The following SMURF2 variants were observed in gnomAD, a reference collection of about 807,000 sequenced individuals.
SMURF2 encodes E3 ubiquitin-protein ligase SMURF2.
In SMURF2, 48 loss-of-function variants were observed where a neutral mutation model predicts 109.6. That is an observed-to-expected ratio of 0.44 (90% CI 0.35 to 0.56). The LOEUF is 0.56. Among genes scored for constraint, SMURF2 ranks in the 20% least tolerant of loss-of-function variants. The probability of loss-of-function intolerance (pLI) is 0.01; values close to 1 mark genes in which losing one functional copy is unlikely to be tolerated. For synonymous variants in SMURF2, 288 were observed against 317.1 expected (o/e 0.91, Z 0.97); for missense variants, 575 against 909.0 (o/e 0.63, Z 4.72).
intron 1 of SMURF2, among the ~76,000 whole-genome samples, chr17:64,612,254 T>C (rs1265052663): frequency 1.3e-5 from 2 of 152,174 alleles, no homozygotes; most frequent in African/African-American, 2.4e-5. Flanking sequence ...CGCCTGGCAC[T>C]TGATAGGTAC....
rs57831736 is a variant in SMURF2 at position 64,649,563 on chromosome 17, C to T, written c.52+12266G>A. ...TTTTAAATATTTAAAATATTGAGGCCGGGTGCAGTGGCTCATGCCTGTAAT... is the reference window on the plus strand; with the variant it reads ...TTTTAAATATTTAAAATATTGAGGCTGGGTGCAGTGGCTCATGCCTGTAAT... On this transcript the variant is annotated intron_variant, in intron 1 of 18. Coordinates refer to ENST00000262435, the MANE Select transcript of SMURF2 (RefSeq NM_022739.4). 4.0e-3 allele frequency among the ~76,000 whole-genome samples: 605 copies of T among 152,090 alleles called. 2 individuals are homozygous for T. Among genetic ancestry groups the T allele is most frequent in the African/African-American group, 0.014 (568 of 41,484 alleles).
At position 64,662,152 on chromosome 17, in the gene SMURF2, C is replaced by T. The variant is rs1376889569; in HGVS notation, c.-272G>A. On this transcript the variant is annotated 5_prime_UTR_variant, in exon 1 of 19. Coordinates refer to ENST00000262435, the MANE Select transcript of SMURF2 (RefSeq NM_022739.4). ...GCCCGCGCCGCCTCCGCCCGCGCCC[C>T]CGCCGCCTCCTCGCGGCCGCCGAGG... 1 of 1,035,104 alleles carries T rather than the reference C, an allele frequency of 9.7e-7. No individual in the cohort carries two copies. Among genetic ancestry groups the T allele is most frequent in the Non-Finnish European group, 1.2e-6 (1 of 863,238 alleles). The allele number at this position is 1,035,104 out of a possible 1,614,324, so 64.1% of individuals were successfully genotyped here.
At chr17:64,620,871 A>G (rs1970191836) in intron 1 of SMURF2, among the ~76,000 whole-genome samples, 1 of 152,190 alleles carries the variant, frequency 6.6e-6, no homozygotes, top group African/African-American at 2.4e-5. Context: ...AGGATGTGCA[A>G]ACTAAAAGGT....
intron 1 of SMURF2, among the ~76,000 whole-genome samples, chr17:64,637,944 T>G (rs1555692230): frequency 7.9e-6 from 1 of 126,502 alleles, no homozygotes; most frequent in African/African-American, 3.9e-5. Flanking sequence ...AAAAAAAAAA[T>G]CAACTGACCA....
chr17:64,576,866 T>C (rs1479589728), intron 9 of SMURF2, among the ~76,000 whole-genome samples: 1 of 150,654 alleles, frequency 6.6e-6, no homozygotes, highest in Non-Finnish European at 1.5e-5. Context: ...AATTTTCTTT[T>C]TCTATCCTTT....
At chr17:64,647,285 G>T (rs1234276318) in intron 1 of SMURF2, among the ~76,000 whole-genome samples, 1 of 150,294 alleles carries the variant, frequency 6.7e-6, no homozygotes, top group African/African-American at 2.4e-5. Context: ...GAAAAAAAAA[G>T]AAAAAAAAAT....
At chr17:64,647,357 C>T (rs782576194) in intron 1 of SMURF2, among the ~76,000 whole-genome samples, 2 of 151,840 alleles carry the variant, frequency 1.3e-5, no homozygotes, top group African/African-American at 2.4e-5. Flanking sequence ...TCACAATGAA[C>T]TTTTGGTACA....
chr17:64,562,668 G>T, intron 11 of SMURF2, 103 bp downstream of exon 11: 1 of 1,165,916 alleles, frequency 8.6e-7, no homozygotes, highest in Admixed American at 2.3e-5. Flanking sequence ...GTGAGCCACC[G>T]CACCCGGCCA....
chr17:64,568,152 C>T (rs1167244800), intron 10 of SMURF2, among the ~76,000 whole-genome samples: 1 of 151,672 alleles, frequency 6.6e-6, no homozygotes, highest in Non-Finnish European at 1.5e-5. Context: ...CCGCGCCTGG[C>T]CTAATTTTTG....
chr17:64,592,060 A>T lies in SMURF2; in HGVS notation c.335-911T>A, dbSNP rs148846889. On this transcript the variant is annotated intron_variant, in intron 4 of 18. Transcript: ENST00000262435. ...TCCCTTTGCAAAATAAATGGGTGCT[A>T]CTAAGCTGGCTATACAGTGGATTCT... is the stretch of plus-strand genomic sequence containing the variant. Among the ~76,000 whole-genome samples the T allele has an allele frequency of 3.9e-5, 6 of 152,356 alleles. No homozygotes were observed. In the East Asian group the frequency reaches 1.2e-3, roughly 29 times the overall value.
intron 1 of SMURF2, among the ~76,000 whole-genome samples, chr17:64,647,024 CTG>C (rs369015848): frequency 5.9e-4 from 90 of 152,290 alleles, no homozygotes; most frequent in African/African-American, 1.7e-3. Flanking sequence ...CTAGCACTGA[CTG>C]TGGTTATTTC....
intron 1 of SMURF2, among the ~76,000 whole-genome samples, chr17:64,656,063 C>T (rs1372787712): frequency 6.6e-6 from 1 of 152,096 alleles, no homozygotes. Context: ...GACAAGATGG[C>T]TAAATAGCAA....
chr17:64,637,694 G>A (rs1322157767), intron 1 of SMURF2, among the ~76,000 whole-genome samples: 3 of 151,796 alleles, frequency 2.0e-5, no homozygotes, highest in Non-Finnish European at 2.9e-5. Flanking sequence ...CTCCCCAGTA[G>A]CTGAGACTAC....
chr17:64,607,888 T>C (rs1340355979), intron 1 of SMURF2, among the ~76,000 whole-genome samples: 1 of 150,612 alleles, frequency 6.6e-6, no homozygotes, highest in Non-Finnish European at 1.5e-5. Context: ...CGAGAATCAC[T>C]TGAACCTGGG....
At chr17:64,652,079 G>A (rs1380861155) in intron 1 of SMURF2, among the ~76,000 whole-genome samples, 5 of 152,142 alleles carry the variant, frequency 3.3e-5, no homozygotes, top group African/African-American at 1.2e-4. Flanking sequence ...AGACACTTAC[G>A]TTAAGTCATG....
intron 1 of SMURF2, among the ~76,000 whole-genome samples, chr17:64,637,947 A>G (rs1258220924): frequency 6.7e-6 from 1 of 150,342 alleles, no homozygotes; most frequent in Admixed American, 6.6e-5. Context: ...AAAAAAATCA[A>G]CTGACCACAA....
In SMURF2 at chr17:64,636,236, G is replaced by C. The variant is rs146463929; in HGVS notation, c.52+25593C>G. 7.5e-3 allele frequency among the ~76,000 whole-genome samples: 1,147 copies of C among 152,228 alleles called. 12 individuals carry two copies. Among genetic ancestry groups the C allele is most frequent in the Non-Finnish European group, 0.012 (836 of 68,012 alleles). The stretch of plus-strand genomic sequence containing the variant: ...AGCCTCTCAAGTAGCTGAGACTATA[G>C]GCATGTGCCAACACATCTGGCTAGC... On this transcript the variant is annotated intron_variant, in intron 1 of 18. Coordinates refer to ENST00000262435, the MANE Select transcript of SMURF2 (RefSeq NM_022739.4).
At chr17:64,628,756 C>T (rs1252258912) in intron 1 of SMURF2, among the ~76,000 whole-genome samples, 1 of 152,182 alleles carries the variant, frequency 6.6e-6, no homozygotes, top group East Asian at 1.9e-4. Context: ...AGCTCTTTCT[C>T]CGTGACTTCC....
At chr17:64,650,099 T>C (rs1175778844) in intron 1 of SMURF2, among the ~76,000 whole-genome samples, 2 of 151,940 alleles carry the variant, frequency 1.3e-5, no homozygotes, top group African/African-American at 4.8e-5. Context: ...TAAAACAAAA[T>C]CCGTGGTCAA....
Sources: gnomAD v4.1 joint callset for allele counts (sites outside exome capture counted in the v4.1 genomes callset) on GRCh38, gnomAD v4.1.1 for gene constraint, MANE v1.5 for transcripts, NCBI Gene and HGNC (gene_info 2026-07-23, HGNC 2026-07-21) for gene names.